The following CALCR variants were observed in gnomAD, a reference collection of about 807,000 sequenced individuals.
CALCR encodes the protein calcitonin receptor.
CALCR carries 47 observed loss-of-function variants against 59.5 expected under a neutral mutation model. The observed-to-expected ratio is 0.79, with a 90% CI of 0.63 to 1.01. The LOEUF (loss-of-function observed/expected upper bound fraction) is 1.01. CALCR is among the 50% of genes least tolerant of loss of function. CALCR has a pLI of 0.00. For missense variants in CALCR, 566 were observed against 597.1 expected (o/e 0.95, Z 0.54); for synonymous variants, 213 against 211.3 (o/e 1.01, Z -0.07).
At position 93,511,098 on chromosome 7, in the gene CALCR, C is replaced by CATAT. The variant is rs57221400; in HGVS notation, c.-26-24095_-26-24092dup. On this transcript the variant is annotated intron_variant, in intron 2 of 13. Coordinates refer to ENST00000426151, the MANE Select transcript of CALCR (RefSeq NM_001742.4). ...CTCTCTCTTTCTCTCTCTCTCTCTACATATATATATATATTCACATATGCA... is the reference window on the plus strand; with the variant it reads ...CTCTCTCTTTCTCTCTCTCTCTCTACATATATATATATATATATTCACATATGCA... Among the ~76,000 whole-genome samples, 193 of 150,468 alleles carry CATAT rather than the reference C, an allele frequency of 1.3e-3. 2 individuals are homozygous for CATAT. The highest frequency in any genetic ancestry group is 4.5e-3 in the East Asian group (23 of 5,120).
chr7:93,448,212 T>C (rs1011324682), intron 8 of CALCR, among the ~76,000 whole-genome samples: 3 of 152,008 alleles, frequency 2.0e-5, no homozygotes, highest in Admixed American at 6.6e-5. Flanking sequence ...AAAAAACTAC[T>C]GCAATTTCTC....
At chr7:93,521,159 C>G (rs1045443090) in intron 2 of CALCR, among the ~76,000 whole-genome samples, 1 of 152,094 alleles carries the variant, frequency 6.6e-6, no homozygotes, top group African/African-American at 2.4e-5. Context: ...GTAAATAGCT[C>G]TAGGGACTAT....
At chr7:93,555,913 A>G (rs1415755352) in intron 2 of CALCR, among the ~76,000 whole-genome samples, 9 of 152,208 alleles carry the variant, frequency 5.9e-5, no homozygotes, top group Non-Finnish European at 1.3e-4. Flanking sequence ...AGTCATGTCC[A>G]TTGAGATCTT....
intron 2 of CALCR, among the ~76,000 whole-genome samples, chr7:93,493,251 AT>A (rs987228290): frequency 6.6e-6 from 1 of 151,342 alleles, no homozygotes; most frequent in South Asian, 2.1e-4. Flanking sequence ...TGGAATTCTG[AT>A]TTTTTACAAC....
intron 8 of CALCR, among the ~76,000 whole-genome samples, chr7:93,453,725 G>A (rs1044687430): frequency 6.6e-6 from 1 of 151,950 alleles, no homozygotes; most frequent in African/African-American, 2.4e-5. Flanking sequence ...GTACCACCAA[G>A]ATCGGCCAAA....
intron 4 of CALCR, 132 bp downstream of exon 4, chr7:93,479,222 T>A: frequency 1.1e-6 from 1 of 899,104 alleles, no homozygotes; most frequent in Non-Finnish European, 1.7e-6. Context: ...TACACAAACA[T>A]ACCATAGTGT....
At chr7:93,438,881 G>A (rs1187257055) in intron 9 of CALCR, among the ~76,000 whole-genome samples, 1 of 150,982 alleles carries the variant, frequency 6.6e-6, no homozygotes, top group Non-Finnish European at 1.5e-5. Flanking sequence ...GTACCTCCTT[G>A]ACTAAACTCA....
intron 13 of CALCR, among the ~76,000 whole-genome samples, chr7:93,428,637 A>G (rs1015752500): frequency 3.3e-5 from 5 of 152,100 alleles, no homozygotes; most frequent in African/African-American, 9.7e-5. Flanking sequence ...TGTCTCTACT[A>G]AAAATACTAA....
intron 2 of CALCR, among the ~76,000 whole-genome samples, chr7:93,516,589 C>G (rs1801655284): frequency 6.6e-6 from 1 of 151,600 alleles, no homozygotes; most frequent in South Asian, 2.1e-4. Context: ...AAAAAACAAA[C>G]AAAAAGGAGG....
chr7:93,559,557 T>C (rs1219244653), intron 2 of CALCR: 1 of 152,062 alleles, frequency 6.6e-6, no homozygotes, highest in Non-Finnish European at 1.5e-5. Context: ...GAAAGCTGTG[T>C]CTCTCCTCAC....
rs1195826503 is a variant in CALCR, at chr7:93,473,590, CT to C, written c.317-1104del. ...GGTAACACTGGTTTGGCCCCCCCCCCTTTTTTTTTTTTTTTTTGAAATTGAT... is the reference window on the plus strand; with the variant it reads ...GGTAACACTGGTTTGGCCCCCCCCCCTTTTTTTTTTTTTTTTGAAATTGAT... On this transcript the variant is annotated intron_variant, in intron 5 of 13. Coordinates refer to ENST00000426151, the MANE Select transcript of CALCR (RefSeq NM_001742.4). Among the ~76,000 whole-genome samples, 430 of 123,908 alleles carry C rather than the reference CT, an allele frequency of 3.5e-3. 1 individual carries two copies. Among genetic ancestry groups the C allele is most frequent in the Middle Eastern group, 8.3e-3 (2 of 240 alleles). The allele number at this position is 123,908 out of a possible 152,430, so 81.3% of individuals were successfully genotyped here.
intron 8 of CALCR, among the ~76,000 whole-genome samples, chr7:93,445,550 C>G (rs1456810659): frequency 1.3e-5 from 2 of 152,034 alleles, no homozygotes; most frequent in Non-Finnish European, 2.9e-5. Context: ...TATAAAGTTG[C>G]TTCAAAAACT....
intron 2 of CALCR, among the ~76,000 whole-genome samples, chr7:93,511,098 C>CAT (rs57221400): frequency 0.28 from 42,602 of 150,322 alleles, 6,233 homozygotes; most frequent in Non-Finnish European, 0.32. Flanking sequence ...TCTCTCTCTA[C>CAT]ATATATATAT....
In CALCR at chr7:93,528,082, A is replaced by G. The variant is rs373040578; in HGVS notation, c.-26-41075T>C. Among the ~76,000 whole-genome samples, 30 of 152,272 alleles carry G rather than the reference A, an allele frequency of 2.0e-4. No homozygotes were observed. The South Asian group carries it at 4.1e-3, about 21-fold the overall frequency. ...CTCAGAGTCTAAAACTGCTCAGAAAATGTTCTGATACCTTTGATTAGTCCA... is the reference window on the plus strand; with the variant it reads ...CTCAGAGTCTAAAACTGCTCAGAAAGTGTTCTGATACCTTTGATTAGTCCA... On this transcript the variant is annotated intron_variant, in intron 2 of 13. Coordinates refer to ENST00000426151, the MANE Select transcript of CALCR (RefSeq NM_001742.4).
At chr7:93,437,473 C>T (rs1236870170) in intron 11 of CALCR, among the ~76,000 whole-genome samples, 1 of 151,958 alleles carries the variant, frequency 6.6e-6, no homozygotes, top group African/African-American at 2.4e-5. Context: ...AATCAGGGGA[C>T]ATTTTTAGGT....
Position 93,434,954 on chromosome 7 carries a change from G to A in CALCR, c.1150-660C>T, listed in dbSNP as rs190314764. Among the ~76,000 whole-genome samples, 202 of 152,272 alleles carry A rather than the reference G, an allele frequency of 1.3e-3. 1 individual carries two copies. The highest frequency in any genetic ancestry group is 1.2e-3 in the Non-Finnish European group (85 of 68,016). ...AGAAAATAAAACTATTTTGAAATTTGTAATAGAGACAGCAAAACTCTGGCC... is the reference window on the plus strand; with the variant it reads ...AGAAAATAAAACTATTTTGAAATTTATAATAGAGACAGCAAAACTCTGGCC... On this transcript the variant is annotated intron_variant, in intron 12 of 13. Coordinates refer to ENST00000426151, the MANE Select transcript of CALCR (RefSeq NM_001742.4).
chr7:93,486,688 A>G (rs575649503), intron 3 of CALCR, among the ~76,000 whole-genome samples: 43 of 151,558 alleles, frequency 2.8e-4, no homozygotes, highest in Middle Eastern at 3.2e-3. Context: ...AATTAATGCT[A>G]AAGTTTTGTA....
chr7:93,474,846 C>T (rs1318383808), intron 5 of CALCR, among the ~76,000 whole-genome samples: 4 of 151,742 alleles, frequency 2.6e-5, no homozygotes, highest in South Asian at 2.1e-4. Flanking sequence ...CATTGTTGTA[C>T]GTATAGATAA....
At chr7:93,531,665 T>A (rs1563009746) in intron 2 of CALCR, among the ~76,000 whole-genome samples, 1 of 152,126 alleles carries the variant, frequency 6.6e-6, no homozygotes, top group Admixed American at 6.6e-5. Context: ...AACCCCTGAT[T>A]TCTTTAATTG....
Sources: allele counts gnomAD v4.1 joint callset (sites outside exome capture counted in the v4.1 genomes callset), GRCh38; gene constraint gnomAD v4.1.1; transcripts MANE v1.5; gene names NCBI Gene and HGNC (gene_info 2026-07-23, HGNC 2026-07-21).